The following MAP3K13 variants were observed in gnomAD, a reference collection of about 807,000 sequenced individuals.
MAP3K13 encodes the protein mitogen-activated protein kinase kinase kinase 13.
Under a neutral mutation model 104.0 loss-of-function variants are expected in MAP3K13, and 52 were observed. That is an observed-to-expected ratio of 0.50 (90% confidence interval 0.40 to 0.63). The LOEUF (loss-of-function observed/expected upper bound fraction) is 0.63. Ranked by LOEUF, MAP3K13 falls within the 20% of genes least tolerant of loss-of-function variation. The pLI is 0.00. For missense variants in MAP3K13, 914 were observed against 1,218.5 expected (o/e 0.75, Z 3.72); for synonymous variants, 394 against 442.2 (o/e 0.89, Z 1.37).
chr3:185,378,697 A>C (rs1724557725), intron 1 of MAP3K13, among the ~76,000 whole-genome samples: 1 of 152,150 alleles, frequency 6.6e-6, no homozygotes, highest in Non-Finnish European at 1.5e-5. Context: ...AGGAACAGAC[A>C]GGAGAGAAAG....
chr3:185,298,369 G>C (rs950652992), intron 2 of MAP3K13, among the ~76,000 whole-genome samples: 1 of 151,900 alleles, frequency 6.6e-6, no homozygotes, highest in Non-Finnish European at 1.5e-5. Flanking sequence ...CGTATTTCAA[G>C]GAAAGGAAAT....
Position 185,477,412 on chromosome 3 carries a change from G to A in MAP3K13, c.2501+16G>A. On this transcript the variant is annotated intron_variant, in intron 12 of 13. Coordinates refer to ENST00000265026, the MANE Select transcript of MAP3K13 (RefSeq NM_004721.5). ...GAAGACAGAGGTAAAACCAACAAATGCACACGATTGCTTTTAGTGGAATGG... is the reference window on the plus strand; with the variant it reads ...GAAGACAGAGGTAAAACCAACAAATACACACGATTGCTTTTAGTGGAATGG... The A allele has an allele frequency of 1.3e-6, 2 of 1,593,106 alleles. No homozygotes were observed. Among genetic ancestry groups the A allele is most frequent in the South Asian group, 1.1e-5 (1 of 90,496 alleles).
intron 2 of MAP3K13, among the ~76,000 whole-genome samples, chr3:185,340,910 T>C (rs1233333693): frequency 6.6e-6 from 1 of 152,196 alleles, no homozygotes; most frequent in African/African-American, 2.4e-5. Flanking sequence ...TTAAACATCT[T>C]TCCTTTATAA....
intron 2 of MAP3K13, among the ~76,000 whole-genome samples, chr3:185,308,899 G>A (rs1195250559): frequency 6.6e-6 from 1 of 152,058 alleles, no homozygotes; most frequent in Non-Finnish European, 1.5e-5. Context: ...GCTTGCCTGG[G>A]ATACTGTGAC....
chr3:185,451,435 T>C (rs376163914), intron 7 of MAP3K13, 40 bp downstream of exon 7: 1 of 1,329,314 alleles, frequency 7.5e-7, no homozygotes, highest in Non-Finnish European at 1.1e-6. Flanking sequence ...ACTAAACAGA[T>C]AGAGAACTCT....
intron 11 of MAP3K13, among the ~76,000 whole-genome samples, chr3:185,474,006 A>T (rs1717965485): frequency 6.6e-6 from 1 of 152,184 alleles, no homozygotes; most frequent in Non-Finnish European, 1.5e-5. Context: ...TATGTATAAT[A>T]ACTTATTTAT....
At chr3:185,345,491 A>G (rs1416021847) in intron 2 of MAP3K13, among the ~76,000 whole-genome samples, 2 of 152,172 alleles carry the variant, frequency 1.3e-5, no homozygotes, top group African/African-American at 4.8e-5. Context: ...TTCATCTGGT[A>G]TTTACAGCTG....
At chr3:185,332,351 T>C (rs907334577) in intron 2 of MAP3K13, among the ~76,000 whole-genome samples, 1 of 152,242 alleles carries the variant, frequency 6.6e-6, no homozygotes, top group Non-Finnish European at 1.5e-5. Flanking sequence ...TTTTAGAATT[T>C]ACAATAAAAT....
intron 2 of MAP3K13, among the ~76,000 whole-genome samples, chr3:185,317,170 GC>G (rs1721707682): frequency 6.6e-6 from 1 of 152,088 alleles, no homozygotes; most frequent in African/African-American, 2.4e-5. Context: ...CGTTTTTTCA[GC>G]CCTGAAAACA....
intron 2 of MAP3K13, among the ~76,000 whole-genome samples, chr3:185,346,798 C>T (rs922008969): frequency 1.2e-4 from 19 of 152,210 alleles, no homozygotes; most frequent in African/African-American, 4.6e-4. Flanking sequence ...TCTATTTTGC[C>T]TTACCCTTTC....
intron 2 of MAP3K13, among the ~76,000 whole-genome samples, chr3:185,326,188 T>C (rs553410223): frequency 5.4e-4 from 82 of 152,254 alleles, no homozygotes; most frequent in African/African-American, 1.9e-3. Flanking sequence ...ATAGGAGTCT[T>C]GTCAGATGGA....
chr3:185,373,786 C>CTCA (rs74801315), intron 1 of MAP3K13, among the ~76,000 whole-genome samples: 108,983 of 150,422 alleles, frequency 0.72, 41,915 homozygotes, highest in Non-Finnish European at 0.86. Context: ...ATGACATGTT[C>CTCA]TCAACCTGGT....
At position 185,473,600 on chromosome 3, in the gene MAP3K13, C is replaced by G; in HGVS notation, c.2269C>G (p.Leu757Val). ...TGAGCCAGTGGGGAGGAGCCCTGAC[C>G]TTTCCAAGTCACCAGCACATAATCC... ...SAEPVGRSPD[L>V]SKSPAHNPLL... is the part of the protein sequence containing the mutation. The change falls in exon 11 of 14, where the codon CTT (leucine) becomes GTT (valine). Residue 757 changes from leucine (L) to valine (V), a missense_variant. Transcript: ENST00000265026. This position sits in a 1 kb window ranked among gnomAD's most constrained non-coding sequence, Gnocchi z 4.9. The G allele has an allele frequency of 1.2e-6, 2 of 1,614,210 alleles. No homozygotes were observed. The highest frequency in any genetic ancestry group is 1.7e-6 in the Non-Finnish European group (2 of 1,180,038).
chr3:185,366,523 A>G (rs1185634376), intron 1 of MAP3K13, among the ~76,000 whole-genome samples: 6 of 152,314 alleles, frequency 3.9e-5, no homozygotes, highest in African/African-American at 1.4e-4. Context: ...ATTGTTTTCC[A>G]AAGTGGTTGC....
chr3:185,356,905 T>C (rs1467729235), intron 2 of MAP3K13, among the ~76,000 whole-genome samples: 3 of 152,014 alleles, frequency 2.0e-5, no homozygotes, highest in Non-Finnish European at 4.4e-5. Context: ...TATGTATGTA[T>C]GTATTTATGT....
chr3:185,485,928 C>T lies in MAP3K13; in HGVS notation c.*3472C>T, dbSNP rs1036498746. 3 of 152,086 alleles carry T rather than the reference C, an allele frequency of 2.0e-5. No homozygotes were observed. Among genetic ancestry groups the T allele is most frequent in the Admixed American group, 6.6e-5 (1 of 15,258 alleles). 9.4% of individuals were successfully genotyped at this position (152,086 alleles called of 1,614,324 possible). ...GAGGCCTGGTCACTTAGAGGACCAA[C>T]GACTGGAAAAAAATTCTTGAAAGGC... On this transcript the variant is annotated 3_prime_UTR_variant, in exon 14 of 14. Transcript: ENST00000265026.
At chr3:185,453,041 G>A (rs774312769) in intron 7 of MAP3K13, among the ~76,000 whole-genome samples, 51 of 152,092 alleles carry the variant, frequency 3.4e-4, no homozygotes, top group Non-Finnish European at 6.2e-4. Flanking sequence ...AAATTAAAAG[G>A]GTGCAAATGT....
At chr3:185,297,600 T>C (rs982118899) in intron 2 of MAP3K13, among the ~76,000 whole-genome samples, 2 of 152,104 alleles carry the variant, frequency 1.3e-5, no homozygotes, top group Non-Finnish European at 2.9e-5. Flanking sequence ...CCAGGTGTGG[T>C]GGCACATGCC....
chr3:185,325,229 T>G (rs943659245), intron 2 of MAP3K13, among the ~76,000 whole-genome samples: 8 of 152,186 alleles, frequency 5.3e-5, no homozygotes, highest in Non-Finnish European at 7.4e-5. Context: ...ATGTGAAATG[T>G]AAAAAGGTTG....
Sources: allele counts gnomAD v4.1 joint callset (sites outside exome capture counted in the v4.1 genomes callset), GRCh38; gene constraint gnomAD v4.1.1; non-coding constraint Gnocchi (gnomAD v3.1); transcripts MANE v1.5; gene names NCBI Gene and HGNC (gene_info 2026-07-23, HGNC 2026-07-21).